Variants in CEP131 observed in about 807,000 individuals in gnomAD.
CEP131 encodes the protein centrosomal protein 131, also known as centrosomal protein of 131 kDa.
CEP131 carries 99 observed loss-of-function variants against 136.8 expected under a neutral mutation model. The ratio of observed to expected loss-of-function variants is 0.72; its 90% CI spans 0.62 to 0.86. The LOEUF (loss-of-function observed/expected upper bound fraction) is 0.86. Ranked by LOEUF, CEP131 falls within the 40% of genes least tolerant of loss-of-function variation. The probability of loss-of-function intolerance (pLI) is 0.00; values close to 1 mark genes in which losing one functional copy is unlikely to be tolerated. For missense variants in CEP131, 1,459 were observed against 1,463.0 expected (o/e 1.00, Z 0.04); for synonymous variants, 646 against 612.7 (o/e 1.05, Z -0.80).
chr17:81,208,077 ACAC>A lies in CEP131; in HGVS notation c.273-841_273-839del, dbSNP rs1374851398. Among the ~76,000 whole-genome samples, 73 of 131,820 alleles carry A rather than the reference ACAC, an allele frequency of 5.5e-4. No individual in the cohort carries two copies. Among genetic ancestry groups the A allele is most frequent in the Admixed American group, 1.4e-3 (19 of 13,448 alleles). 86.5% of individuals were successfully genotyped at this position (131,820 alleles called of 152,430 possible). A position where few individuals can be genotyped will look rare whatever the true frequency, so the allele number is the denominator to read the frequency against. ...CACCACACTCACACCACACACCCAC[ACAC>A]CACACCACACACACACACTTATGCC... On this transcript the variant is annotated intron_variant, in intron 3 of 25. Transcript: ENST00000450824. The surrounding 1 kb of genome is among the most constrained non-coding windows in gnomAD (Gnocchi z 5.6).
At chr17:81,220,655 T>C (rs1408039768) in intron 1 of CEP131, among the ~76,000 whole-genome samples, 1 of 151,888 alleles carries the variant, frequency 6.6e-6, no homozygotes, top group Non-Finnish European at 1.5e-5. Flanking sequence ...CCACCACGCC[T>C]GGCTAATTTT....
At chr17:81,192,437 C>G (rs766168465) in intron 20 of CEP131, 39 bp downstream of exon 20, 3 of 1,611,648 alleles carry the variant, frequency 1.9e-6, no homozygotes, top group Non-Finnish European at 2.5e-6. Flanking sequence ...CCCCGTGCAG[C>G]CCCCTGGCCA....
At chr17:81,221,811 C>T (rs976410973) in intron 1 of CEP131, among the ~76,000 whole-genome samples, 2 of 152,194 alleles carry the variant, frequency 1.3e-5, no homozygotes, top group Middle Eastern at 3.2e-3. Flanking sequence ...AAGCTGGCGC[C>T]AGGGACCAAC....
chr17:81,197,667 G>C, intron 13 of CEP131, 45 bp downstream of exon 13: 1 of 1,575,158 alleles, frequency 6.3e-7, no homozygotes, highest in Non-Finnish European at 8.6e-7. Context: ...GCTCGTGAGG[G>C]GCCTCCTCCC....
At position 81,199,371 on chromosome 17, in the gene CEP131, CCACTCT is replaced by C. The variant is rs1567860154; in HGVS notation, c.1192+4_1192+9del. 26 of 1,594,434 alleles carry C rather than the reference CCACTCT, an allele frequency of 1.6e-5. No homozygotes were observed. Among genetic ancestry groups the C allele is most frequent in the Admixed American group, 6.9e-5 (4 of 57,556 alleles). On this transcript the variant is annotated splice_donor_5th_base_variant and intron_variant, in intron 10 of 25. Transcript: ENST00000450824. Reference sequence around the variant, plus strand: ...CCCCCAGAGCAGGGCGGGCGTGGAGCCACTCTCACCAGTATTGTTGGCCTTGAGGGC... The same window carrying C: ...CCCCCAGAGCAGGGCGGGCGTGGAGCCACCAGTATTGTTGGCCTTGAGGGC...
intron 7 of CEP131, 140 bp downstream of exon 7, chr17:81,202,100 C>CAAA (rs548272114): frequency 1.0e-3 from 410 of 392,314 alleles, no homozygotes; most frequent in South Asian, 1.4e-3. Context: ...GACTCTGTCT[C>CAAA]AAAAAAAAAA....
At position 81,197,192 on chromosome 17, in the gene CEP131, G is replaced by T. The variant is rs77931868; in HGVS notation, c.1648-137C>A. ...ACGGGAGCCCGTGGGAAGCCGGAGG[G>T]CAGGTGGCAGGCGGCCCAGCAGAGG... On this transcript the variant is annotated intron_variant, in intron 13 of 25. Coordinates refer to ENST00000450824, the MANE Select transcript of CEP131 (RefSeq NM_014984.4). The T allele has an allele frequency of 5.5e-3, 7,185 of 1,294,722 alleles. 230 individuals carry two copies. In the African/African-American group the frequency reaches 0.079, roughly 14 times the overall value. The allele number at this position is 1,294,722 out of a possible 1,614,324, so 80.2% of individuals were successfully genotyped here.
rs749548004 is a variant in CEP131, at chr17:81,198,294, C to T, written c.1291G>A (p.Val431Ile). The T allele has an allele frequency of 1.1e-5, 18 of 1,595,580 alleles. No homozygotes were observed. Among genetic ancestry groups the T allele is most frequent in the East Asian group, 6.8e-5 (3 of 43,974 alleles). Residue 431 changes from valine to isoleucine, a missense_variant, in exon 12 of 26, where the codon GTT becomes ATT. Coordinates refer to ENST00000450824, the MANE Select transcript of CEP131 (RefSeq NM_014984.4). ...TCCCCAGCTGCATCCTGGGCAAGAA[C>T]GTCCTGCAAAAGAGCAGGGAGACAG... is the stretch of plus-strand genomic sequence containing the variant. The part of the protein sequence containing the change: ...QQPPEDRTQD[V>I]LAQDAAGDNL...
chr17:81,217,019 A>T (rs1440352201), intron 2 of CEP131, among the ~76,000 whole-genome samples: 1 of 152,256 alleles, frequency 6.6e-6, no homozygotes, highest in Non-Finnish European at 1.5e-5. Flanking sequence ...TGCAAGAAGG[A>T]GGCAACATCG....
intron 2 of CEP131, among the ~76,000 whole-genome samples, chr17:81,216,542 G>A (rs930776380): frequency 3.3e-5 from 5 of 152,116 alleles, no homozygotes; most frequent in African/African-American, 1.2e-4. Flanking sequence ...AAAAGAAAAA[G>A]AAAAGAGAAT....
intron 2 of CEP131, among the ~76,000 whole-genome samples, chr17:81,210,494 T>C (rs2062108322): frequency 6.6e-6 from 1 of 151,598 alleles, no homozygotes; most frequent in South Asian, 2.1e-4. Context: ...TGCTTAAACC[T>C]GAGAGGCGGA....
At chr17:81,217,809 G>A (rs564569854) in intron 2 of CEP131, among the ~76,000 whole-genome samples, 3 of 152,280 alleles carry the variant, frequency 2.0e-5, no homozygotes, top group South Asian at 2.1e-4. Flanking sequence ...TATGAGTAGC[G>A]CTCGCTGTGG....
chr17:81,193,631 GAA>G (rs899784181), intron 18 of CEP131, among the ~76,000 whole-genome samples: 3 of 152,206 alleles, frequency 2.0e-5, no homozygotes, highest in East Asian at 1.9e-4. Context: ...GGCCAGTTGT[GAA>G]AGAGTGGATG....
At chr17:81,206,941 C>A in intron 4 of CEP131, 70 bp from the exon 5 acceptor site, 2 of 1,566,490 alleles carry the variant, frequency 1.3e-6, no homozygotes, top group Non-Finnish European at 8.6e-7. Flanking sequence ...CTGCCTCTCC[C>A]ACAAACGGGA....
chr17:81,191,399 C>T, intron 21 of CEP131, 64 bp from the exon 22 acceptor site: 1 of 1,542,898 alleles, frequency 6.5e-7, no homozygotes, highest in East Asian at 2.2e-5. Context: ...CAGGGCCAGC[C>T]TCAGGGGGTC....
intron 5 of CEP131, among the ~76,000 whole-genome samples, chr17:81,205,303 T>C (rs2061979125): frequency 7.0e-6 from 1 of 143,730 alleles, no homozygotes; most frequent in Non-Finnish European, 1.5e-5. Flanking sequence ...AGAAATAGCT[T>C]GAAAAGATGC....
intron 7 of CEP131, among the ~76,000 whole-genome samples, chr17:81,200,723 T>C (rs1328148474): frequency 6.6e-6 from 1 of 152,156 alleles, no homozygotes; most frequent in African/African-American, 2.4e-5. Flanking sequence ...TTATTTACAA[T>C]TGCCAGGAAG....
intron 10 of CEP131, 25 bp from the exon 11 acceptor site, chr17:81,198,996 T>C (rs1305374346): frequency 6.7e-7 from 1 of 1,503,336 alleles, no homozygotes; most frequent in Non-Finnish European, 8.8e-7. Flanking sequence ...ACAGCACCAT[T>C]CCACAGGGAG....
At position 81,207,192 on chromosome 17, in the gene CEP131, C is replaced by A; in HGVS notation, c.320G>T (p.Ser107Ile). The A allele has an allele frequency of 6.2e-7, 1 of 1,613,570 alleles. No individual in the cohort carries two copies. Among genetic ancestry groups the A allele is most frequent in the Admixed American group, 1.7e-5 (1 of 59,864 alleles). Residue 107 changes from serine to isoleucine, a missense_variant, in exon 4 of 26, where the codon AGT becomes ATT. Transcript: ENST00000450824. ...CAGGCTGGCAGGCCTCTTTTTCCCACTGGGGCTGCCCTCGAAGAGCATCAG... is the reference window on the plus strand; with the variant it reads ...CAGGCTGGCAGGCCTCTTTTTCCCAATGGGGCTGCCCTCGAAGAGCATCAG... ...DFLMLFEGSP[S>I]GKKRPASLST... is the part of the protein sequence containing the mutation.
Sources: gnomAD v4.1 joint callset for allele counts (sites outside exome capture counted in the v4.1 genomes callset) on GRCh38, gnomAD v4.1.1 for gene constraint, Gnocchi (gnomAD v3.1) non-coding constraint, MANE v1.5 for transcripts, NCBI Gene and HGNC (gene_info 2026-07-23, HGNC 2026-07-21) for gene names.